The following SLIT3 variants were observed in gnomAD, a reference collection of about 807,000 sequenced individuals.
The protein encoded by SLIT3 is slit homolog 3 protein.
Under a neutral mutation model 184.0 loss-of-function variants are expected in SLIT3, and 68 were observed. The ratio of observed to expected loss-of-function variants is 0.37; its 90% CI spans 0.30 to 0.45. The LOEUF is 0.45. Among genes scored for constraint, SLIT3 ranks in the 20% least tolerant of loss-of-function variants. SLIT3 has a pLI of 1.00. For missense variants in SLIT3, 1,707 were observed against 2,026.0 expected (o/e 0.84, Z 3.02); for synonymous variants, 831 against 828.6 (o/e 1.00, Z -0.05).
intron 20 of SLIT3, among the ~76,000 whole-genome samples, chr5:168,744,015 C>T (rs1205739551): frequency 2.0e-5 from 3 of 152,128 alleles, no homozygotes; most frequent in Non-Finnish European, 4.4e-5. Flanking sequence ...GCCGGCTGGG[C>T]GCAGCGGCTC....
At chr5:169,263,169 A>G (rs1419655323) in intron 1 of SLIT3, among the ~76,000 whole-genome samples, 1 of 152,028 alleles carries the variant, frequency 6.6e-6, no homozygotes, top group East Asian at 1.9e-4. Flanking sequence ...ACATAGCAAG[A>G]CCCTATTTCT....
At position 168,806,490 on chromosome 5, in the gene SLIT3, G is replaced by C; in HGVS notation, c.891C>G (p.Gly297=). 1 of 1,614,200 alleles carries C rather than the reference G, an allele frequency of 6.2e-7. No individual in the cohort carries two copies. Among genetic ancestry groups the C allele is most frequent in the Non-Finnish European group, 8.5e-7 (1 of 1,180,028 alleles). Residue 297 remains glycine, a synonymous_variant, in exon 9 of 36, where the codon GGC becomes GGG. Coordinates refer to ENST00000519560, the MANE Select transcript of SLIT3 (RefSeq NM_003062.4). ...SNNIVDCRGK[G]LMEIPANLPE... ...GCAAGTTGGCAGGAATCTCCATCAA[G>C]CCCTTTCCTCGACAGTCCACGATGT...
chr5:169,187,755 C>T (rs1763405473), intron 4 of SLIT3, among the ~76,000 whole-genome samples: 1 of 151,682 alleles, frequency 6.6e-6, no homozygotes, highest in African/African-American at 2.4e-5. Flanking sequence ...GGTTTCACCA[C>T]ATTGGCCAGG....
In SLIT3 at chr5:168,778,658, C is replaced by T. The variant is rs17070456; in HGVS notation, c.1152-4280G>A. Among the ~76,000 whole-genome samples, 812 of 152,338 alleles carry T rather than the reference C, an allele frequency of 5.3e-3. 5 individuals are homozygous for T. The highest frequency in any genetic ancestry group is 8.4e-3 in the Non-Finnish European group (572 of 68,036). On this transcript the variant is annotated intron_variant, in intron 12 of 35. Coordinates refer to ENST00000519560, the MANE Select transcript of SLIT3 (RefSeq NM_003062.4). Reference sequence around the variant, plus strand: ...TTCAGGATCACTGACCGAATGCCGACGTGGGAGCTGATATGCCTGGCTCTG... The same window carrying T: ...TTCAGGATCACTGACCGAATGCCGATGTGGGAGCTGATATGCCTGGCTCTG...
chr5:168,680,754 C>T (rs1472576029), intron 32 of SLIT3, among the ~76,000 whole-genome samples: 6 of 152,254 alleles, frequency 3.9e-5, no homozygotes, highest in African/African-American at 1.4e-4. Context: ...GGGCCTCCTC[C>T]TCCCCAGGGC....
At chr5:169,285,101 C>T (rs559811194) in intron 1 of SLIT3, among the ~76,000 whole-genome samples, 2 of 152,080 alleles carry the variant, frequency 1.3e-5, no homozygotes, top group South Asian at 4.2e-4. Flanking sequence ...ATATTTTGTA[C>T]AGATGGGGTC....
intron 5 of SLIT3, among the ~76,000 whole-genome samples, chr5:168,869,798 A>G (rs773974162): frequency 1.2e-4 from 19 of 152,200 alleles, no homozygotes; most frequent in Non-Finnish European, 2.8e-4. Flanking sequence ...TCTGGCTAGG[A>G]AGTTTTCCTG....
chr5:168,902,021 A>T (rs138234851), intron 4 of SLIT3, among the ~76,000 whole-genome samples: 194 of 152,246 alleles, frequency 1.3e-3, no homozygotes, highest in Middle Eastern at 3.4e-3. Context: ...CCTGCCTTAT[A>T]GCTGGGACTA....
chr5:169,097,991 T>A (rs751826792), intron 4 of SLIT3, among the ~76,000 whole-genome samples: 3 of 152,282 alleles, frequency 2.0e-5, no homozygotes, highest in South Asian at 2.1e-4. Context: ...AAAAAATTTT[T>A]AAAATATACT....
At chr5:168,769,377 T>C (rs961561911) in intron 14 of SLIT3, among the ~76,000 whole-genome samples, 1 of 152,190 alleles carries the variant, frequency 6.6e-6, no homozygotes, top group African/African-American at 2.4e-5. Flanking sequence ...GCCTGACCTC[T>C]GACATGAGAA....
intron 4 of SLIT3, among the ~76,000 whole-genome samples, chr5:169,178,327 A>C (rs1475377634): frequency 3.3e-5 from 5 of 152,220 alleles, no homozygotes; most frequent in African/African-American, 1.2e-4. Context: ...GAGGTTTGTG[A>C]GTCCCCTACT....
At chr5:169,030,925 T>C (rs1022423440) in intron 4 of SLIT3, among the ~76,000 whole-genome samples, 1 of 152,172 alleles carries the variant, frequency 6.6e-6, no homozygotes, top group Non-Finnish European at 1.5e-5. Flanking sequence ...GGTTTTAAAA[T>C]TGTGACCCTC....
At chr5:168,800,027 C>A (rs1756708734) in intron 9 of SLIT3, among the ~76,000 whole-genome samples, 1 of 152,090 alleles carries the variant, frequency 6.6e-6, no homozygotes, top group African/African-American at 2.4e-5. Context: ...TCTCAGCCTT[C>A]CTTGACTTGG....
rs984406739 is a variant in SLIT3 at position 168,941,460 on chromosome 5, T to C, written c.414-58124A>G. ...ATGAAATGGGACATTCTTTGTAAAG[T>C]GCTTAGTGCAGTGTCTGGTACATAG... On this transcript the variant is annotated intron_variant, in intron 4 of 35. Coordinates refer to ENST00000519560, the MANE Select transcript of SLIT3 (RefSeq NM_003062.4). Among the ~76,000 whole-genome samples the C allele has an allele frequency of 9.9e-5, 15 of 152,214 alleles. 1 individual carries two copies. Among genetic ancestry groups the C allele is most frequent in the Admixed American group, 7.9e-4 (12 of 15,280 alleles).
intron 1 of SLIT3, chr5:169,263,574 G>A: frequency 4.3e-6 from 2 of 461,092 alleles, no homozygotes; most frequent in South Asian, 1.6e-5. Context: ...GATGATTGCT[G>A]TTGTAAGGCA....
Position 168,666,590 on chromosome 5 carries a change from C to G in SLIT3, c.4436G>C (p.Arg1479Pro), listed in dbSNP as rs184693277. ...GCAGCACTGGGGCCCACAGCCCCCA[C>G]GACATTCCATGATGGGCACCTTGGA... is the stretch of plus-strand genomic sequence containing the variant. ...TASKVPIMECRGGCGPQCCQP... is the reference protein window; with the variant it reads ...TASKVPIMECPGGCGPQCCQP... Residue 1479 changes from arginine to proline, a missense_variant, in exon 36 of 36, where the codon CGT becomes CCT. By Grantham distance (103) the Arg-to-Pro change is moderately radical. Coordinates refer to ENST00000519560, the MANE Select transcript of SLIT3 (RefSeq NM_003062.4). 1 of 1,614,204 alleles carries G rather than the reference C, an allele frequency of 6.2e-7. No homozygotes were observed. Among genetic ancestry groups the G allele is most frequent in the Non-Finnish European group, 8.5e-7 (1 of 1,180,030 alleles).
At chr5:168,722,423 C>CT in intron 22 of SLIT3, 96 bp from the exon 23 acceptor site, 4 of 1,071,142 alleles carry the variant, frequency 3.7e-6, no homozygotes, top group Non-Finnish European at 4.2e-6. Flanking sequence ...AATGGTTTAT[C>CT]TTTTCAATGT....
At chr5:168,978,070 C>G (rs1205658079) in intron 4 of SLIT3, among the ~76,000 whole-genome samples, 3 of 152,188 alleles carry the variant, frequency 2.0e-5, no homozygotes, top group Non-Finnish European at 1.5e-5. Context: ...TGAAGAGACA[C>G]CTCATCTGAC....
chr5:168,885,087 T>C (rs1760142394), intron 4 of SLIT3, among the ~76,000 whole-genome samples: 1 of 151,886 alleles, frequency 6.6e-6, no homozygotes, highest in South Asian at 2.1e-4. Context: ...AGAAAAGAGG[T>C]GTCCACTTTT....
Sources: gnomAD v4.1 joint callset for allele counts (sites outside exome capture counted in the v4.1 genomes callset) on GRCh38, gnomAD v4.1.1 for gene constraint, MANE v1.5 for transcripts, NCBI Gene and HGNC (gene_info 2026-07-23, HGNC 2026-07-21) for gene names.